The following CENPL variants were observed in gnomAD, a reference collection of about 807,000 sequenced individuals.
CENPL encodes interphase centromere complex protein 33.
CENPL carries 20 observed loss-of-function variants against 35.2 expected under a neutral mutation model. The ratio of observed to expected loss-of-function variants is 0.57; its 90% CI spans 0.40 to 0.83. The LOEUF (loss-of-function observed/expected upper bound fraction) is 0.83, where lower values mean the gene tolerates loss of function less well. Ranked by LOEUF, CENPL falls within the 40% of genes least tolerant of loss-of-function variation. CENPL has a pLI of 0.00. For synonymous variants in CENPL, 140 were observed against 140.6 expected (o/e 1.00, Z 0.03); for missense variants, 363 against 395.8 (o/e 0.92, Z 0.70).
chr1:173,804,386 A>G (rs1399097830), intron 4 of CENPL, among the ~76,000 whole-genome samples: 1 of 152,216 alleles, frequency 6.6e-6, no homozygotes, highest in Non-Finnish European at 1.5e-5. Context: ...CCATTCACCT[A>G]TGACATACAT....
At chr1:173,810,346 G>A (rs758744761) in intron 3 of CENPL, among the ~76,000 whole-genome samples, 18 of 152,026 alleles carry the variant, frequency 1.2e-4, no homozygotes, top group Non-Finnish European at 2.1e-4. Flanking sequence ...AACAACACAC[G>A]CTTAGGCCTG....
At chr1:173,806,908 T>A (rs189316781) in intron 4 of CENPL, among the ~76,000 whole-genome samples, 2 of 152,220 alleles carry the variant, frequency 1.3e-5, no homozygotes, top group African/African-American at 4.8e-5. Context: ...ATTCTACTTA[T>A]AGAAATTTAA....
In CENPL at chr1:173,811,211, C is replaced by G. The variant is rs201830798; in HGVS notation, c.89G>C (p.Arg30Pro). The G allele has an allele frequency of 8.1e-6, 13 of 1,613,900 alleles. No individual in the cohort carries two copies. In the Admixed American group the frequency reaches 2.2e-4, roughly 27 times the overall value. Residue 30 changes from arginine (R) to proline (P), a missense_variant, in exon 3 of 6, where the codon CGA (arginine) becomes CCA (proline). Arg to Pro is a moderately radical substitution (Grantham distance 103). Coordinates refer to ENST00000682279, the MANE Select transcript of CENPL (RefSeq NM_001387287.1). ...YFIGATPLQK[R>P]LESVRKQSSF... ...ACTCTGCTTCCTGACCGATTCTAAT[C>G]GTTTCTGCAGAGGAGTGGCACCTAT...
chr1:173,802,572 C>T (rs1023410141), intron 5 of CENPL, among the ~76,000 whole-genome samples: 28 of 152,142 alleles, frequency 1.8e-4, no homozygotes, highest in Non-Finnish European at 4.4e-5. Context: ...TTATTTCTTT[C>T]CCAATGAGGA....
intron 2 of CENPL, among the ~76,000 whole-genome samples, chr1:173,816,716 A>C (rs930410337): frequency 6.6e-6 from 1 of 152,334 alleles, no homozygotes; most frequent in Non-Finnish European, 1.5e-5. Context: ...TGTTAGACCT[A>C]AAACCATAAA....
intron 2 of CENPL, among the ~76,000 whole-genome samples, chr1:173,821,266 G>A (rs1303535039): frequency 1.3e-5 from 2 of 152,186 alleles, no homozygotes. Flanking sequence ...AATCAGACAA[G>A]TTAAGTAACT....
At chr1:173,807,078 A>G (rs1421237280) in intron 4 of CENPL, among the ~76,000 whole-genome samples, 189 bp downstream of exon 4, 2 of 152,176 alleles carry the variant, frequency 1.3e-5, no homozygotes, top group African/African-American at 4.8e-5. Flanking sequence ...ATGTTAAACT[A>G]TAATTTTTAA....
chr1:173,807,278 A>T lies in CENPL; in HGVS notation c.409T>A (p.Phe137Ile), dbSNP rs752054283. 6.2e-7 allele frequency: 1 copy of T among 1,605,374 alleles called. No individual in the cohort carries two copies. Among genetic ancestry groups the T allele is most frequent in the Non-Finnish European group, 8.5e-7 (1 of 1,174,574 alleles). ...MKGTQRDPEA[F>I]LVQIVSKSQL... ...TTTATGTATTATACCTGGACAAGAAATGCTTCCGGGTCCCTTTGTGTTCCT... is the reference window on the plus strand; with the variant it reads ...TTTATGTATTATACCTGGACAAGAATTGCTTCCGGGTCCCTTTGTGTTCCT... Residue 137 changes from phenylalanine (F) to isoleucine (I), a missense_variant, in exon 4 of 6, where the codon TTT becomes ATT. Physicochemically the swap from Phe to Ile is conservative, Grantham distance 21. Transcript: ENST00000682279.
chr1:173,807,638 C>T, intron 3 of CENPL, 120 bp from the exon 4 acceptor site: 1 of 760,574 alleles, frequency 1.3e-6, no homozygotes, highest in African/African-American at 1.7e-5. Flanking sequence ...TGCACTCCAA[C>T]CAAATGAGTT....
intron 4 of CENPL, among the ~76,000 whole-genome samples, 167 bp from the exon 5 acceptor site, chr1:173,803,672 T>C (rs1391353675): frequency 6.9e-6 from 1 of 144,310 alleles, no homozygotes; most frequent in Non-Finnish European, 1.6e-5. Context: ...ATCAAAATAA[T>C]TGGCCTTTTT....
intron 3 of CENPL, among the ~76,000 whole-genome samples, chr1:173,808,958 C>T (rs961001836): frequency 6.6e-6 from 1 of 152,124 alleles, no homozygotes; most frequent in African/African-American, 2.4e-5. Context: ...AGAAAACCTA[C>T]AGAATGGGAG....
At chr1:173,811,888 G>A (rs1375602030) in intron 2 of CENPL, among the ~76,000 whole-genome samples, 1 of 152,244 alleles carries the variant, frequency 6.6e-6, no homozygotes, top group East Asian at 1.9e-4. Context: ...AGCGCAAGGG[G>A]TCCAGGGATT....
At chr1:173,812,414 T>A (rs1283441015) in intron 2 of CENPL, among the ~76,000 whole-genome samples, 7 of 152,122 alleles carry the variant, frequency 4.6e-5, no homozygotes, top group Non-Finnish European at 1.0e-4. Context: ...CACCTCCCAG[T>A]AGGGGCCGAC....
At chr1:173,819,231 C>T (rs566391473) in intron 2 of CENPL, among the ~76,000 whole-genome samples, 1 of 151,382 alleles carries the variant, frequency 6.6e-6, no homozygotes, top group African/African-American at 2.4e-5. Context: ...AAGACCCTCT[C>T]AAGAAAAAAA....
intron 2 of CENPL, among the ~76,000 whole-genome samples, chr1:173,818,648 C>T (rs971149107): frequency 6.6e-6 from 1 of 152,116 alleles, no homozygotes; most frequent in Admixed American, 6.6e-5. Context: ...GAGCTCTCAT[C>T]TCTAAATAAG....
chr1:173,815,632 A>T (rs1012439594), intron 2 of CENPL, among the ~76,000 whole-genome samples: 2 of 152,222 alleles, frequency 1.3e-5, no homozygotes, highest in Admixed American at 6.5e-5. Flanking sequence ...AACAAAATTC[A>T]ATAGGCCTTC....
At chr1:173,811,385 C>T in intron 2 of CENPL, 79 bp from the exon 3 acceptor site, 1 of 945,856 alleles carries the variant, frequency 1.1e-6, no homozygotes, top group South Asian at 1.8e-5. Flanking sequence ...ATTCCTCACT[C>T]TAAAGGAATC....
chr1:173,810,999 GT>G (rs1416148670), intron 3 of CENPL, 132 bp downstream of exon 3: 1 of 713,266 alleles, frequency 1.4e-6, no homozygotes, highest in Non-Finnish European at 2.3e-6. Flanking sequence ...TTATGAAATT[GT>G]TTCTTTCTCA....
intron 2 of CENPL, among the ~76,000 whole-genome samples, chr1:173,818,370 C>CT (rs1651620695): frequency 6.6e-6 from 1 of 152,118 alleles, no homozygotes; most frequent in African/African-American, 2.4e-5. Flanking sequence ...TTCAGCTTCT[C>CT]TTTATTTTCC....
Sources: allele counts gnomAD v4.1 joint callset (sites outside exome capture counted in the v4.1 genomes callset), GRCh38; gene constraint gnomAD v4.1.1; transcripts MANE v1.5; gene names NCBI Gene and HGNC (gene_info 2026-07-23, HGNC 2026-07-21).